The following MFGE8 variants were observed in gnomAD, a reference collection of about 807,000 sequenced individuals.
MFGE8 encodes lactadherin.
In MFGE8, 34 loss-of-function variants were observed where a neutral mutation model predicts 42.6. The observed-to-expected ratio is 0.80, with a 90% CI of 0.61 to 1.06. The LOEUF (loss-of-function observed/expected upper bound fraction) is 1.06. Ranked by LOEUF, MFGE8 falls within the 50% of genes least tolerant of loss-of-function variation. The pLI, the probability that MFGE8 is intolerant of heterozygous loss-of-function variation, is 0.00. For missense variants in MFGE8, 510 were observed against 516.9 expected, an observed-to-expected ratio of 0.99 and a Z score of 0.13; for synonymous variants, 230 against 214.8, an observed-to-expected ratio of 1.07 and a Z score of -0.62.
In MFGE8 at chr15:88,906,846, C is replaced by T; in HGVS notation, c.388-68G>A. 6.3e-6 allele frequency: 10 copies of T among 1,593,754 alleles called. No homozygotes were observed. The highest frequency in any genetic ancestry group is 8.6e-6 in the Non-Finnish European group (10 of 1,164,298). Reference sequence around the variant, plus strand: ...TCTTTCCACTCAAGATCCAAGCAGACCCATCCCTTCACTCCCCCACTGGGT... The same window carrying T: ...TCTTTCCACTCAAGATCCAAGCAGATCCATCCCTTCACTCCCCCACTGGGT... On this transcript the variant is annotated intron_variant, in intron 3 of 7. Transcript: ENST00000268150. The surrounding 1 kb of genome is among the most constrained non-coding windows in gnomAD (Gnocchi z 4.2).
chr15:88,910,096 AG>A (rs940256507), intron 1 of MFGE8, 173 bp from the exon 2 acceptor site: 4 of 804,718 alleles, frequency 5.0e-6, no homozygotes, highest in East Asian at 5.5e-5. Flanking sequence ...CCTAGAGCCA[AG>A]GAAGTCCATG....
rs200531784 is a variant in MFGE8 at position 88,907,392 on chromosome 15, T to C, written c.206-16A>G. ...TCGACACATTCTGAGGGAAGGGAGGTGGCAGTCAGGTGGCTACCCCAGCAG... is the reference window on the plus strand; with the variant it reads ...TCGACACATTCTGAGGGAAGGGAGGCGGCAGTCAGGTGGCTACCCCAGCAG... On this transcript the variant is annotated splice_polypyrimidine_tract_variant and intron_variant, in intron 2 of 7. Transcript: ENST00000268150. 6 of 1,613,354 alleles carry C rather than the reference T, an allele frequency of 3.7e-6. No homozygotes were observed. Among genetic ancestry groups the C allele is most frequent in the Non-Finnish European group, 5.1e-6 (6 of 1,179,706 alleles).
intron 2 of MFGE8, among the ~76,000 whole-genome samples, chr15:88,907,706 T>TC (rs35327884): frequency 0.31 from 45,875 of 147,346 alleles, 8,068 homozygotes; most frequent in African/African-American, 0.5. Flanking sequence ...GAAAGTAGAG[T>TC]CCCCCCCGCC....
intron 1 of MFGE8, chr15:88,912,298 C>A (rs2141730022): frequency 7.8e-7 from 1 of 1,283,210 alleles, no homozygotes; most frequent in Non-Finnish European, 1.0e-6. Context: ...GAAGATCCAG[C>A]TGTCTTTCAT....
intron 1 of MFGE8, 125 bp downstream of exon 1, chr15:88,913,122 C>G: frequency 1.5e-6 from 2 of 1,360,374 alleles, no homozygotes; most frequent in Non-Finnish European, 1.9e-6. Context: ...GCCCCTCTGC[C>G]CAGCCCGGTC....
At chr15:88,912,227 T>G in intron 1 of MFGE8, 1 of 1,289,750 alleles carries the variant, frequency 7.8e-7, no homozygotes, top group African/African-American at 1.5e-5. Context: ...TCGGGGACTT[T>G]CCAGTAACAT....
At chr15:88,901,149 TCTCA>T (rs879452724) in intron 6 of MFGE8, among the ~76,000 whole-genome samples, 4,315 of 51,126 alleles carry the variant, frequency 0.084, 227 homozygotes, top group South Asian at 0.2. Flanking sequence ...ACACACACAT[TCTCA>T]CACACACATT....
rs748774256 is a variant in MFGE8 at position 88,901,280 on chromosome 15, C to T, written c.870+271G>A. 1.2e-4 allele frequency among the ~76,000 whole-genome samples: 18 copies of T among 147,962 alleles called. 1 individual carries two copies. Among genetic ancestry groups the T allele is most frequent in the South Asian group, 6.6e-4 (3 of 4,566 alleles). On this transcript the variant is annotated intron_variant, in intron 6 of 7. Coordinates refer to ENST00000268150, the MANE Select transcript of MFGE8 (RefSeq NM_005928.4). ...ATTCACACGCACGCATTCACACACA[C>T]TCACATTCACACACATTCACACACT...
chr15:88,907,513 C>A, intron 2 of MFGE8, 137 bp from the exon 3 acceptor site: 1 of 806,208 alleles, frequency 1.2e-6, no homozygotes, highest in Non-Finnish European at 2.1e-6. Context: ...GAGCCTCTCT[C>A]AGAACAAAGA....
intron 2 of MFGE8, among the ~76,000 whole-genome samples, chr15:88,908,269 C>T (rs1898792953): frequency 6.6e-6 from 1 of 152,168 alleles, no homozygotes; most frequent in South Asian, 2.1e-4. Context: ...TCCAACATCA[C>T]AGGCGCGGAC....
intron 1 of MFGE8, chr15:88,910,209 A>G: frequency 5.1e-6 from 2 of 390,038 alleles, no homozygotes; most frequent in South Asian, 2.1e-5. Flanking sequence ...GCTGGGGACC[A>G]CTGCCCACTG....
chr15:88,899,671 C>T lies in MFGE8; in HGVS notation c.1011G>A (p.Arg337=), dbSNP rs749847365. The T allele has an allele frequency of 4.3e-6, 7 of 1,614,190 alleles. No individual in the cohort carries two copies. The South Asian group carries it at 7.7e-5, about 18-fold the overall frequency. ...SANWTEYQDP[R]TGSSKIFPGN... is the part of the protein sequence containing the mutation. ...AGACACCCACCTTACTGCTGCCAGT[C>T]CTGGGGTCCTGGTACTCAGTCCAGT... is the stretch of plus-strand genomic sequence containing the variant. Residue 337 remains arginine, a synonymous_variant, in exon 7 of 8, where the codon AGG becomes AGA. Coordinates refer to ENST00000268150, the MANE Select transcript of MFGE8 (RefSeq NM_005928.4). This position sits in a 1 kb window ranked among gnomAD's most constrained non-coding sequence, Gnocchi z 6.8.
intron 1 of MFGE8, chr15:88,912,785 G>A (rs946105092): frequency 9.1e-6 from 9 of 985,408 alleles, no homozygotes; most frequent in Non-Finnish European, 9.6e-6. Context: ...ACAATTGGGA[G>A]CGCAAAAATC....
Position 88,905,229 on chromosome 15 carries a change from C to T in MFGE8, c.685+528G>A, listed in dbSNP as rs775617679. Among the ~76,000 whole-genome samples, 10 of 152,126 alleles carry T rather than the reference C, an allele frequency of 6.6e-5. No homozygotes were observed. The highest frequency in any genetic ancestry group is 2.2e-4 in the African/African-American group (9 of 41,418). ...AGGGAAAGCTCTGGATGGGTGTGGT[C>T]GGGAGCCCAGAGATCTAGACCAAGT... On this transcript the variant is annotated intron_variant, in intron 5 of 7. Transcript: ENST00000268150. The surrounding 1 kb of genome is among the most constrained non-coding windows in gnomAD (Gnocchi z 6.6).
At chr15:88,901,311 A>ACACATTAACACG (rs146915389) in intron 6 of MFGE8, among the ~76,000 whole-genome samples, 1 of 130,102 alleles carries the variant, frequency 7.7e-6, no homozygotes, top group African/African-American at 2.7e-5. Context: ...ACACTCACAC[A>ACACATTAACACG]CACACATTCA....
intron 1 of MFGE8, among the ~76,000 whole-genome samples, chr15:88,911,768 C>T (rs1898969424): frequency 6.6e-6 from 1 of 151,912 alleles, no homozygotes; most frequent in African/African-American, 2.4e-5. Context: ...TTGCCTCCCC[C>T]TCAGAGTCAC....
intron 6 of MFGE8, among the ~76,000 whole-genome samples, chr15:88,900,978 C>T (rs1898333825): frequency 1.8e-5 from 1 of 57,038 alleles, no homozygotes; most frequent in African/African-American, 4.5e-5. Context: ...CACACATTCA[C>T]ACACACACAT....
rs1174334957 is a variant in MFGE8 at position 88,901,304 on chromosome 15, C to CTCACACACACACAT, written c.870+233_870+246dup. On this transcript the variant is annotated intron_variant, in intron 6 of 7. Transcript: ENST00000268150. Reference sequence around the variant, plus strand: ...ACTCACATTCACACACATTCACACACTCACACACACACATTCACACACACA... The same window carrying CTCACACACACACAT: ...ACTCACATTCACACACATTCACACACTCACACACACACATTCACACACACACATTCACACACACA... Among the ~76,000 whole-genome samples, 2 of 85,870 alleles carry CTCACACACACACAT rather than the reference C, an allele frequency of 2.3e-5. 1 individual carries two copies. Among genetic ancestry groups the CTCACACACACACAT allele is most frequent in the Non-Finnish European group, 5.9e-5 (2 of 34,138 alleles). The allele number at this position is 85,870 out of a possible 152,430, so 56.3% of individuals were successfully genotyped here.
rs199762278 is a variant in MFGE8 at position 88,905,913 on chromosome 15, G to A, written c.541-12C>T. ...TTACCCACAAACTCCTAGCAGGGAAGGGACAAGACTGGAGAAGGGGGTCCA... is the reference window on the plus strand; with the variant it reads ...TTACCCACAAACTCCTAGCAGGGAAAGGACAAGACTGGAGAAGGGGGTCCA... On this transcript the variant is annotated splice_polypyrimidine_tract_variant and intron_variant, in intron 4 of 7. Transcript: ENST00000268150. This position sits in a 1 kb window ranked among gnomAD's most constrained non-coding sequence, Gnocchi z 6.6. The A allele has an allele frequency of 1.2e-5, 20 of 1,613,980 alleles. No homozygotes were observed. The highest frequency in any genetic ancestry group is 1.4e-5 in the Non-Finnish European group (16 of 1,179,990).
Sources: gnomAD v4.1 joint callset for allele counts (sites outside exome capture counted in the v4.1 genomes callset) on GRCh38, gnomAD v4.1.1 for gene constraint, Gnocchi (gnomAD v3.1) non-coding constraint, MANE v1.5 for transcripts, NCBI Gene and HGNC (gene_info 2026-07-23, HGNC 2026-07-21) for gene names.